The following MACROH2A2 variants were observed in gnomAD, a reference collection of about 807,000 sequenced individuals.
The protein encoded by MACROH2A2 is macroH2A.2 histone.
A neutral mutation model predicts 37.6 loss-of-function variants in MACROH2A2; 6 were observed. That is an observed-to-expected ratio of 0.16 (90% confidence interval 0.09 to 0.32). The LOEUF (loss-of-function observed/expected upper bound fraction) is 0.32. Among genes scored for constraint, MACROH2A2 ranks in the 10% least tolerant of loss-of-function variants. The probability of loss-of-function intolerance (pLI) is 1.00; values close to 1 mark genes in which losing one functional copy is unlikely to be tolerated. For synonymous variants in MACROH2A2, 192 were observed against 202.7 expected (o/e 0.95, Z 0.45); for missense variants, 290 against 485.9 (o/e 0.60, Z 3.79).
At position 70,111,880 on chromosome 10, in the gene MACROH2A2, G is replaced by A; in HGVS notation, c.*197G>A. 2.4e-6 allele frequency: 1 copy of A among 408,284 alleles called. No homozygotes were observed. Among genetic ancestry groups the A allele is most frequent in the African/African-American group, 2.0e-5 (1 of 48,880 alleles). The allele number at this position is 408,284 out of a possible 1,614,324, so 25.3% of individuals were successfully genotyped here. On this transcript the variant is annotated 3_prime_UTR_variant, in exon 9 of 9. Coordinates refer to ENST00000373255, the MANE Select transcript of MACROH2A2 (RefSeq NM_018649.3). Reference sequence around the variant, plus strand: ...TCTGTAAGGAAGCAGGTCTCCGCGAGGGGTTTCTTTCCATGTGTTTTCCTC... The same window carrying A: ...TCTGTAAGGAAGCAGGTCTCCGCGAAGGGTTTCTTTCCATGTGTTTTCCTC...
At chr10:70,081,952 C>A (rs1369051740) in intron 2 of MACROH2A2, among the ~76,000 whole-genome samples, 1 of 151,838 alleles carries the variant, frequency 6.6e-6, no homozygotes, top group Non-Finnish European at 1.5e-5. Context: ...ATCTATGTAC[C>A]CCATACATAT....
intron 3 of MACROH2A2, 84 bp from the exon 4 acceptor site, chr10:70,091,673 C>CAAAA (rs571416539): frequency 0.016 from 10,781 of 690,468 alleles, 66 homozygotes; most frequent in South Asian, 0.021. Flanking sequence ...GATTCTGTAT[C>CAAAA]AAAAAAAAAA....
In MACROH2A2 at chr10:70,075,700, C is replaced by T. The variant is rs1240643446; in HGVS notation, c.42C>T (p.Ser14=). ...GGAAGAAGAAAATGTCCAAGCTGTC[C>T]CGTTCAGCTAGGGCAGGTGTCATCT... The part of the protein sequence containing the change: ...RSGKKKMSKL[S]RSARAGVIFP... The change falls in exon 2 of 9, where the codon TCC becomes TCT. Residue 14 remains serine, a synonymous_variant. Coordinates refer to ENST00000373255, the MANE Select transcript of MACROH2A2 (RefSeq NM_018649.3). The surrounding 1 kb of genome is among the most constrained non-coding windows in gnomAD (Gnocchi z 5.0). 1 of 1,614,112 alleles carries T rather than the reference C, an allele frequency of 6.2e-7. No homozygotes were observed.
At position 70,111,698 on chromosome 10, in the gene MACROH2A2, A is replaced by T; in HGVS notation, c.*15A>T. 1 of 1,583,230 alleles carries T rather than the reference A, an allele frequency of 6.3e-7. No individual in the cohort carries two copies. The highest frequency in any genetic ancestry group is 1.1e-5 in the South Asian group (1 of 88,100). ...ACGCCAAGTAGCCGCCGCACTTTCC[A>T]GCAGGGATCGGAGGACGACCCGAGT... On this transcript the variant is annotated 3_prime_UTR_variant, in exon 9 of 9. Transcript: ENST00000373255.
At position 70,090,097 on chromosome 10, in the gene MACROH2A2, C is replaced by A; in HGVS notation, c.210C>A (p.Asp70Glu). The change falls in exon 3 of 9, where the codon GAC (aspartate) becomes GAA (glutamate). Residue 70 changes from aspartate (D) to glutamate (E), a missense_variant. Transcript: ENST00000373255. ...AATTGGCCGGCAATGCCGCGAGGGA[C>A]AACAAGAAGGCCCGGATAGCCCCGA... ...ILELAGNAAR[D>E]NKKARIAPRH... 6.2e-7 allele frequency: 1 copy of A among 1,614,014 alleles called. No individual in the cohort carries two copies.
chr10:70,086,917 C>T (rs368061217), intron 2 of MACROH2A2, among the ~76,000 whole-genome samples: 128 of 152,328 alleles, frequency 8.4e-4, no homozygotes, highest in Middle Eastern at 3.4e-3. Flanking sequence ...CTGCCGGGAA[C>T]AGCGGCTCAC....
intron 1 of MACROH2A2, among the ~76,000 whole-genome samples, chr10:70,072,260 ATTTTT>A (rs1424962009): frequency 6.6e-6 from 1 of 151,766 alleles, no homozygotes; most frequent in African/African-American, 2.4e-5. Flanking sequence ...TTCTATTAAA[ATTTTT>A]TTTAACTTTT....
intron 7 of MACROH2A2, among the ~76,000 whole-genome samples, chr10:70,103,253 C>T (rs1196161946): frequency 2.6e-5 from 4 of 152,182 alleles, no homozygotes; most frequent in Non-Finnish European, 5.9e-5. Context: ...TCATCTAAGA[C>T]GGCATCAGGA....
chr10:70,065,034 CTTTTTTTTTTTT>C (rs2072071397), intron 1 of MACROH2A2, among the ~76,000 whole-genome samples: 1 of 138,822 alleles, frequency 7.2e-6, no homozygotes, highest in Non-Finnish European at 1.6e-5. Context: ...TTTTTTTTTT[CTTTTTTTTTTTT>C]GAGACAGAGT....
intron 7 of MACROH2A2, among the ~76,000 whole-genome samples, chr10:70,106,326 T>G (rs892201546): frequency 1.3e-5 from 2 of 152,218 alleles, no homozygotes; most frequent in African/African-American, 4.8e-5. Context: ...TGCAATAACT[T>G]GACCCTCATC....
In MACROH2A2 at chr10:70,100,617, C is replaced by CTTT. The variant is rs34180859; in HGVS notation, c.778+335_778+337dup. On this transcript the variant is annotated intron_variant, in intron 7 of 8. Coordinates refer to ENST00000373255, the MANE Select transcript of MACROH2A2 (RefSeq NM_018649.3). ...CTTACCACTGGAACTATGTTTTGTT[C>CTTT]TTTTTTTTTTTTTTTTTGAGAAAGA... 9.7e-3 allele frequency among the ~76,000 whole-genome samples: 1,337 copies of CTTT among 137,960 alleles called. 21 individuals are homozygous for CTTT. The highest frequency in any genetic ancestry group is 0.035 in the South Asian group (151 of 4,356). The allele number at this position is 137,960 out of a possible 152,430, so 90.5% of individuals were successfully genotyped here.
At chr10:70,084,708 C>G (rs1408383849) in intron 2 of MACROH2A2, among the ~76,000 whole-genome samples, 2 of 152,100 alleles carry the variant, frequency 1.3e-5, no homozygotes, top group African/African-American at 4.8e-5. Flanking sequence ...CTCAAGCAAT[C>G]CTCCTGCCTT....
intron 6 of MACROH2A2, chr10:70,099,036 T>C (rs538204069): frequency 9.2e-5 from 14 of 151,698 alleles, no homozygotes; most frequent in African/African-American, 3.4e-4. Context: ...CTTCTCAACA[T>C]GAACTGGCTA....
At chr10:70,095,285 G>T (rs560011642) in intron 5 of MACROH2A2, among the ~76,000 whole-genome samples, 1 of 151,510 alleles carries the variant, frequency 6.6e-6, no homozygotes, top group Non-Finnish European at 1.5e-5. Context: ...GGAGAATGGC[G>T]TGAACCTGGG....
Position 70,086,772 on chromosome 10 carries a change from G to A in MACROH2A2, c.173-3288G>A, listed in dbSNP as rs191317282. ...AACCCCCAGACCCATCTAGAAAAAG[G>A]GATGAGTGGAGTGCTTCTTCCTCCC... On this transcript the variant is annotated intron_variant, in intron 2 of 8. Coordinates refer to ENST00000373255, the MANE Select transcript of MACROH2A2 (RefSeq NM_018649.3). Among the ~76,000 whole-genome samples the A allele has an allele frequency of 2.0e-5, 3 of 152,244 alleles. No homozygotes were observed. In the East Asian group the frequency reaches 5.8e-4, roughly 29 times the overall value.
At chr10:70,079,562 C>CGA (rs1435626355) in intron 2 of MACROH2A2, among the ~76,000 whole-genome samples, 1 of 125,618 alleles carries the variant, frequency 8.0e-6, no homozygotes, top group Non-Finnish European at 1.6e-5. Context: ...CGCGCGCGCG[C>CGA]GCGCACACAC....
At chr10:70,054,780 T>G (rs2072004145) in intron 1 of MACROH2A2, among the ~76,000 whole-genome samples, 2 of 152,226 alleles carry the variant, frequency 1.3e-5, no homozygotes, top group South Asian at 4.1e-4. Flanking sequence ...ATAGAGGCAC[T>G]GCCCGGCGGA....
At chr10:70,097,281 C>A (rs534968337) in intron 6 of MACROH2A2, among the ~76,000 whole-genome samples, 1 of 152,238 alleles carries the variant, frequency 6.6e-6, no homozygotes, top group East Asian at 1.9e-4. Flanking sequence ...GGTTTCTAAA[C>A]CTCCCTGAAC....
chr10:70,072,060 CT>C (rs2072114320), intron 1 of MACROH2A2, among the ~76,000 whole-genome samples: 1 of 152,114 alleles, frequency 6.6e-6, no homozygotes, highest in African/African-American at 2.4e-5. Flanking sequence ...CCTTAGCTTA[CT>C]GTAATTTTTT....
Sources: gnomAD v4.1 joint callset for allele counts (sites outside exome capture counted in the v4.1 genomes callset) on GRCh38, gnomAD v4.1.1 for gene constraint, Gnocchi (gnomAD v3.1) non-coding constraint, MANE v1.5 for transcripts, NCBI Gene and HGNC (gene_info 2026-07-23, HGNC 2026-07-21) for gene names.